The following P4HA3 variants were observed in gnomAD, a reference collection of about 807,000 sequenced individuals.
The protein encoded by P4HA3 is prolyl 4-hydroxylase subunit alpha 3.
P4HA3 carries 60 observed loss-of-function variants against 66.7 expected under a neutral mutation model. The ratio of observed to expected loss-of-function variants is 0.90; its 90% CI spans 0.73 to 1.12. The LOEUF is 1.12. P4HA3 is among the 50% of genes most tolerant of loss of function. The pLI, the probability that P4HA3 is intolerant of heterozygous loss-of-function variation, is 0.00. For synonymous variants in P4HA3, 263 were observed against 274.6 expected (o/e 0.96, Z 0.42); for missense variants, 683 against 685.8 (o/e 1.00, Z 0.05).
chr11:74,250,698 G>A, intron 15 of P4HA3: 1 of 447,990 alleles, frequency 2.2e-6, no homozygotes, highest in Non-Finnish European at 4.0e-6. Flanking sequence ...GACAAGAACT[G>A]TTTCTTCTAT....
chr11:74,285,850 C>G lies in P4HA3; in HGVS notation c.1069G>C (p.Asp357His). Residue 357 changes from aspartate (D) to histidine (H), a missense_variant, in exon 7 of 13, where the codon GAC (aspartate) becomes CAC (histidine). Asp to His is a moderately conservative substitution (Grantham distance 81). Coordinates refer to ENST00000331597, the MANE Select transcript of P4HA3 (RefSeq NM_182904.5). ...YIALYHDFVS[D>H]SEAQKIRELA... is the part of the protein sequence containing the mutation. ...TCTCTAATTTTCTGAGCCTCTGAGT[C>G]ACTGACGAAGTCATGGTAGAGAGCA... is the stretch of plus-strand genomic sequence containing the variant. 6.2e-7 allele frequency: 1 copy of G among 1,614,084 alleles called. No individual in the cohort carries two copies. Among genetic ancestry groups the G allele is most frequent in the Non-Finnish European group, 8.5e-7 (1 of 1,179,986 alleles).
chr11:74,271,324 A>C (rs1280606072), intron 10 of P4HA3, among the ~76,000 whole-genome samples: 6 of 152,206 alleles, frequency 3.9e-5, no homozygotes, highest in Non-Finnish European at 7.3e-5. Flanking sequence ...AGCCCTTGTC[A>C]GTAAGGGGCA....
At chr11:74,259,531 A>G (rs540204342) in intron 15 of P4HA3, among the ~76,000 whole-genome samples, 12 of 152,326 alleles carry the variant, frequency 7.9e-5, no homozygotes, top group African/African-American at 2.9e-4. Context: ...GCTGTGGACC[A>G]CACCACTATC....
chr11:74,263,315 A>T (rs1859938618), downstream of P4HA3, among the ~76,000 whole-genome samples: 1 of 152,244 alleles, frequency 6.6e-6, no homozygotes, highest in African/African-American at 2.4e-5. Flanking sequence ...ACATCTGACA[A>T]GAGTTCTTAA....
At chr11:74,285,215 G>T (rs1030616628) in intron 7 of P4HA3, among the ~76,000 whole-genome samples, 2 of 152,026 alleles carry the variant, frequency 1.3e-5, no homozygotes, top group African/African-American at 2.4e-5. Flanking sequence ...AAATAAGGGG[G>T]ACTACTGTAC....
chr11:74,296,265 A>G (rs1053125238), intron 4 of P4HA3, among the ~76,000 whole-genome samples: 2 of 152,220 alleles, frequency 1.3e-5, no homozygotes, highest in Non-Finnish European at 2.9e-5. Flanking sequence ...TAAGTTGCCT[A>G]TGTTTTCACA....
intron 15 of P4HA3, among the ~76,000 whole-genome samples, chr11:74,256,241 A>T (rs1478862418): frequency 6.6e-6 from 1 of 152,200 alleles, no homozygotes; most frequent in South Asian, 2.1e-4. Flanking sequence ...TTTGGACCAG[A>T]TACTTAAAAG....
intron 7 of P4HA3, 190 bp downstream of exon 7, chr11:74,285,619 C>A (rs1446274767): frequency 3.5e-6 from 2 of 578,224 alleles, no homozygotes; most frequent in Non-Finnish European, 6.0e-6. Flanking sequence ...TCCAGTTAAT[C>A]CTTTCCCTCT....
At position 74,304,280 on chromosome 11, in the gene P4HA3, C is replaced by T. The variant is rs762696214; in HGVS notation, c.333G>A (p.Glu111=). The T allele has an allele frequency of 1.4e-5, 22 of 1,613,714 alleles. No individual in the cohort carries two copies. The highest frequency in any genetic ancestry group is 1.7e-5 in the Non-Finnish European group (20 of 1,179,854). The change falls in exon 2 of 13, where the codon GAG becomes GAA. Residue 111 remains glutamate, a synonymous_variant. Coordinates refer to ENST00000331597, the MANE Select transcript of P4HA3 (RefSeq NM_182904.5). ...RNVVHSLEAS[E]NIRALKDGYE... The stretch of plus-strand genomic sequence containing the variant: ...CCTCCTCCTCATTACCTCGGATGTT[C>T]TCACTGGCCTCCAGACTATGTACCA...
intron 1 of P4HA3, among the ~76,000 whole-genome samples, chr11:74,307,562 G>A (rs1461058043): frequency 6.6e-6 from 1 of 152,196 alleles, no homozygotes; most frequent in Non-Finnish European, 1.5e-5. Context: ...GATAACTGAG[G>A]TTGGCTTAGA....
chr11:74,306,387 T>C (rs1234723059), intron 1 of P4HA3, among the ~76,000 whole-genome samples: 2 of 152,176 alleles, frequency 1.3e-5, no homozygotes, highest in African/African-American at 4.8e-5. Flanking sequence ...AAAACACCAA[T>C]GGAATTTATA....
At position 74,304,486 on chromosome 11, in the gene P4HA3, G is replaced by A. The variant is rs1275300435; in HGVS notation, c.201-74C>T. ...CCTAGGGAAGGCTGGCATGGTGTGT[G>A]TACATTAAGAGTAGCTAACACTGAC... On this transcript the variant is annotated intron_variant, in intron 1 of 12. Transcript: ENST00000331597. 3.9e-6 allele frequency: 6 copies of A among 1,530,150 alleles called. No homozygotes were observed. In the African/African-American group the frequency reaches 4.1e-5, roughly 10 times the overall value. The allele number at this position is 1,530,150 out of a possible 1,614,324, so 94.8% of individuals were successfully genotyped here.
chr11:74,258,121 A>G (rs1443724463), intron 15 of P4HA3, among the ~76,000 whole-genome samples: 2 of 152,164 alleles, frequency 1.3e-5, no homozygotes, highest in Non-Finnish European at 2.9e-5. Flanking sequence ...TGGCCACCCC[A>G]TCAGCAGCCA....
chr11:74,301,498 A>G (rs1473400696), intron 3 of P4HA3, among the ~76,000 whole-genome samples: 3 of 152,234 alleles, frequency 2.0e-5, no homozygotes, highest in African/African-American at 7.2e-5. Flanking sequence ...GAGAGACTCA[A>G]GCAGCCTACT....
chr11:74,269,726 A>G lies in P4HA3; in HGVS notation c.1399-6T>C, dbSNP rs1313041633. 6.2e-7 allele frequency: 1 copy of G among 1,613,682 alleles called. No individual in the cohort carries two copies. The highest frequency in any genetic ancestry group is 8.5e-7 in the Non-Finnish European group (1 of 1,179,808). ...CCAGCTTCCACCGAGCTCAGCTACA[A>G]GACCAGAGGAAGAAGCCAGAGTTAA... On this transcript the variant is annotated splice_polypyrimidine_tract_variant and splice_region_variant and intron_variant, in intron 10 of 12. Transcript: ENST00000331597.
intron 15 of P4HA3, among the ~76,000 whole-genome samples, chr11:74,252,138 G>C (rs1420066794): frequency 7.2e-6 from 1 of 139,288 alleles, no homozygotes; most frequent in Non-Finnish European, 1.5e-5. Context: ...GCACAGTCTT[G>C]GTTCACTGCA....
At chr11:74,304,560 C>G in intron 1 of P4HA3, 148 bp from the exon 2 acceptor site, 1 of 907,312 alleles carries the variant, frequency 1.1e-6, no homozygotes, top group Non-Finnish European at 1.6e-6. Flanking sequence ...AAAAGCCATG[C>G]AAGCCCAAAG....
chr11:74,286,678 C>T (rs1860812086), intron 5 of P4HA3, among the ~76,000 whole-genome samples: 1 of 152,158 alleles, frequency 6.6e-6, no homozygotes, highest in Admixed American at 6.5e-5. Flanking sequence ...ATGAAGATGG[C>T]TGCTCTGGGA....
rs200530098 is a variant in P4HA3, at chr11:74,282,805, A to T, written c.1110+3004T>A. 7.9e-5 allele frequency among the ~76,000 whole-genome samples: 12 copies of T among 152,356 alleles called. No individual in the cohort carries two copies. In the East Asian group the frequency reaches 2.3e-3, roughly 29 times the overall value. ...AAACAACACATAAATGGCAGAATACATTTAAAAATTAAGTACCAAACAACC... is the reference window on the plus strand; with the variant it reads ...AAACAACACATAAATGGCAGAATACTTTTAAAAATTAAGTACCAAACAACC... On this transcript the variant is annotated intron_variant, in intron 7 of 12. Coordinates refer to ENST00000331597, the MANE Select transcript of P4HA3 (RefSeq NM_182904.5).
Sources: allele counts gnomAD v4.1 joint callset (sites outside exome capture counted in the v4.1 genomes callset), GRCh38; gene constraint gnomAD v4.1.1; transcripts MANE v1.5; gene names NCBI Gene and HGNC (gene_info 2026-07-23, HGNC 2026-07-21).